Variants in RTN4IP1 observed in about 807,000 individuals in gnomAD.
RTN4IP1 encodes NAD(P)H oxidoreductase RTN4IP1, mitochondrial.
In RTN4IP1, 32 loss-of-function variants were observed where a neutral mutation model predicts 46.6. The observed-to-expected ratio is 0.69, with a 90% confidence interval of 0.52 to 0.92. The LOEUF (loss-of-function observed/expected upper bound fraction) is 0.92. RTN4IP1 is among the 40% of genes least tolerant of loss of function. The pLI is 0.00. For synonymous variants in RTN4IP1, 167 were observed against 161.8 expected, an observed-to-expected ratio of 1.03 and a Z score of -0.24; for missense variants, 424 against 485.8, an observed-to-expected ratio of 0.87 and a Z score of 1.20.
chr6:106,574,908 A>G (rs1465128402), intron 8 of RTN4IP1, among the ~76,000 whole-genome samples: 1 of 152,208 alleles, frequency 6.6e-6, no homozygotes, highest in Admixed American at 6.5e-5. Context: ...TATTGTGGCA[A>G]ATAACCCGAG....
At position 106,583,419 on chromosome 6, in the gene RTN4IP1, T is replaced by C. The variant is rs1381674754; in HGVS notation, c.992A>G (p.His331Arg). The change falls in exon 8 of 9, where the codon CAT becomes CGT. Residue 331 changes from histidine to arginine, a missense_variant and splice_region_variant. Transcript: ENST00000369063. Reference sequence around the variant, plus strand: ...GCGATAATGGACTCCTTTCCAGAAATGCTAAAAAGAAGAAAACAAAACATG... The same window carrying C: ...GCGATAATGGACTCCTTTCCAGAAACGCTAAAAAGAAGAAAACAAAACATG... ...GVTVGSKALK[H>R]FWKGVHYRWA... 4 of 1,610,892 alleles carry C rather than the reference T, an allele frequency of 2.5e-6. No homozygotes were observed. The highest frequency in any genetic ancestry group is 3.4e-6 in the Non-Finnish European group (4 of 1,177,844).
At chr6:106,609,574 C>A (rs1031575370) in intron 4 of RTN4IP1, among the ~76,000 whole-genome samples, 10 of 152,078 alleles carry the variant, frequency 6.6e-5, no homozygotes, top group African/African-American at 9.7e-5. Context: ...ACAATCAAGG[C>A]AACAACTGCT....
At chr6:106,583,622 C>A in intron 7 of RTN4IP1, 1 of 494,460 alleles carries the variant, frequency 2.0e-6, no homozygotes, top group Admixed American at 3.3e-5. Context: ...AATAACTGAA[C>A]AAAGACATAT....
chr6:106,597,438 G>T (rs1775824619), intron 5 of RTN4IP1, among the ~76,000 whole-genome samples: 1 of 152,062 alleles, frequency 6.6e-6, no homozygotes, highest in Non-Finnish European at 1.5e-5. Context: ...TCGACCTCCT[G>T]GGCTCAAGTG....
chr6:106,576,718 G>A (rs936493474), intron 8 of RTN4IP1, among the ~76,000 whole-genome samples: 1 of 152,216 alleles, frequency 6.6e-6, no homozygotes, highest in African/African-American at 2.4e-5. Context: ...TTAATCAAAA[G>A]TAAGTAAATA....
chr6:106,601,689 A>G (rs1245189897), intron 5 of RTN4IP1, among the ~76,000 whole-genome samples: 1 of 152,050 alleles, frequency 6.6e-6, no homozygotes, highest in African/African-American at 2.4e-5. Flanking sequence ...AGGCTTACTG[A>G]AACCTCCGCC....
At position 106,629,311 on chromosome 6, in the gene RTN4IP1, G is replaced by C; in HGVS notation, c.-290C>G. 1 of 527,006 alleles carries C rather than the reference G, an allele frequency of 1.9e-6. No individual in the cohort carries two copies. 32.6% of individuals were successfully genotyped at this position (527,006 alleles called of 1,614,324 possible). On this transcript the variant is annotated 5_prime_UTR_variant, in exon 1 of 9. Coordinates refer to ENST00000369063, the MANE Select transcript of RTN4IP1 (RefSeq NM_032730.5). ...CTCCACTTTAAAAAAAAAAGGGGGG[G>C]CGGGGCATTAAAAAGCAGGTGCGCA...
intron 8 of RTN4IP1, among the ~76,000 whole-genome samples, chr6:106,582,588 A>G (rs189202288): frequency 9.9e-5 from 15 of 152,272 alleles, no homozygotes; most frequent in East Asian, 7.7e-4. Flanking sequence ...TCTCCATCCT[A>G]TAAGTCCATA....
At chr6:106,609,646 A>G (rs147802363) in intron 4 of RTN4IP1, among the ~76,000 whole-genome samples, 3 of 152,376 alleles carry the variant, frequency 2.0e-5, no homozygotes, top group African/African-American at 7.2e-5. Flanking sequence ...TTCTTCCAGT[A>G]AAGAAAAGCT....
intron 3 of RTN4IP1, among the ~76,000 whole-genome samples, chr6:106,621,128 T>G (rs966494523): frequency 2.6e-5 from 4 of 152,200 alleles, no homozygotes; most frequent in African/African-American, 9.7e-5. Flanking sequence ...CCATCCTCTC[T>G]ACTGCCTATA....
chr6:106,587,777 C>T lies in RTN4IP1; in HGVS notation c.892G>A (p.Val298Met), dbSNP rs937234637. 1 of 1,613,890 alleles carries T rather than the reference C, an allele frequency of 6.2e-7. No individual in the cohort carries two copies. ...AGGAGGAAAGGAGTCACCAAAGTCA[C>T]ATAGGTGGCTCCTGACCATTTCTTG... ...FLKKWSGATY[V>M]TLVTPFLLNM... Residue 298 changes from valine (V) to methionine (M), a missense_variant, in exon 7 of 9, where the codon GTG becomes ATG. By Grantham distance (21) the Val-to-Met change is conservative. Coordinates refer to ENST00000369063, the MANE Select transcript of RTN4IP1 (RefSeq NM_032730.5).
chr6:106,578,289 AACACATC>A (rs1296817517), intron 8 of RTN4IP1, among the ~76,000 whole-genome samples: 1 of 152,226 alleles, frequency 6.6e-6, no homozygotes, highest in Non-Finnish European at 1.5e-5. Context: ...TGTGACCTTG[AACACATC>A]ATTTAATTTC....
intron 6 of RTN4IP1, 39 bp downstream of exon 6, chr6:106,592,125 T>C: frequency 6.2e-7 from 1 of 1,603,124 alleles, no homozygotes; most frequent in Non-Finnish European, 8.5e-7. Flanking sequence ...CAACTGTCCT[T>C]GTTCCCACTC....
intron 8 of RTN4IP1, among the ~76,000 whole-genome samples, chr6:106,582,950 T>C (rs1419711063): frequency 2.0e-5 from 3 of 152,168 alleles, no homozygotes; most frequent in Admixed American, 2.0e-4. Context: ...GATTTTATTA[T>C]ACCCACCTAG....
chr6:106,629,193 A>T lies in RTN4IP1; in HGVS notation c.-172T>A. On this transcript the variant is annotated 5_prime_UTR_variant, in exon 1 of 9. Transcript: ENST00000369063. ...ATCTAATGGAGAAACTGAAAGAAGA[A>T]TACGGAACTGTTATTCCGCTCTTCG... The T allele has an allele frequency of 1.6e-6, 1 of 616,458 alleles. No homozygotes were observed. The highest frequency in any genetic ancestry group is 2.7e-5 in the East Asian group (1 of 36,466). The allele number at this position is 616,458 out of a possible 1,614,324, so 38.2% of individuals were successfully genotyped here.
chr6:106,610,155 G>A (rs534347813), intron 4 of RTN4IP1, among the ~76,000 whole-genome samples: 23 of 152,102 alleles, frequency 1.5e-4, no homozygotes, highest in African/African-American at 3.9e-4. Flanking sequence ...TCCGCCTCCC[G>A]TGTTCAAGGG....
At chr6:106,613,534 T>C (rs1776281080) in intron 4 of RTN4IP1, among the ~76,000 whole-genome samples, 1 of 152,352 alleles carries the variant, frequency 6.6e-6, no homozygotes, top group South Asian at 2.1e-4. Flanking sequence ...GGATTGTTCA[T>C]TAAAATACAA....
chr6:106,587,106 T>C (rs1426526738), intron 7 of RTN4IP1, among the ~76,000 whole-genome samples: 3 of 152,212 alleles, frequency 2.0e-5, no homozygotes, highest in Non-Finnish European at 4.4e-5. Context: ...CTTACTCAAG[T>C]AAAAGTACAA....
intron 4 of RTN4IP1, among the ~76,000 whole-genome samples, chr6:106,608,384 C>T (rs1417272386): frequency 6.6e-6 from 1 of 152,090 alleles, no homozygotes; most frequent in Non-Finnish European, 1.5e-5. Flanking sequence ...TACAAAATTA[C>T]AGCTAGATAG....
Sources: allele counts gnomAD v4.1 joint callset (sites outside exome capture counted in the v4.1 genomes callset), GRCh38; gene constraint gnomAD v4.1.1; transcripts MANE v1.5; gene names NCBI Gene and HGNC (gene_info 2026-07-23, HGNC 2026-07-21).